SEC22A: variants seen among roughly 807,000 people sequenced by gnomAD.
SEC22A encodes the protein vesicle-trafficking protein SEC22a.
A neutral mutation model predicts 35.3 loss-of-function variants in SEC22A; 22 were observed. That is an observed-to-expected ratio of 0.62 (90% CI 0.45 to 0.89). SEC22A has a LOEUF of 0.89. Among genes scored for constraint, SEC22A ranks in the 40% least tolerant of loss-of-function variants. SEC22A has a pLI of 0.00. For missense variants in SEC22A, 354 were observed against 362.5 expected, an observed-to-expected ratio of 0.98 and a Z score of 0.19; for synonymous variants, 119 against 129.5, an observed-to-expected ratio of 0.92 and a Z score of 0.55.
At chr3:123,207,022 A>G (rs932009507) in intron 1 of SEC22A, among the ~76,000 whole-genome samples, 2 of 152,288 alleles carry the variant, frequency 1.3e-5, no homozygotes, top group Middle Eastern at 3.4e-3. Context: ...TGGGAGGTGG[A>G]GGTTGCAGTG....
At chr3:123,259,392 T>G (rs1937823410) in intron 5 of SEC22A, 132 bp from the exon 6 acceptor site, 1 of 644,894 alleles carries the variant, frequency 1.6e-6, no homozygotes, top group Non-Finnish European at 2.8e-6. Context: ...TTAGGACTCT[T>G]GAGAATTTCT....
At chr3:123,245,741 C>A (rs1413431250) in intron 4 of SEC22A, among the ~76,000 whole-genome samples, 158 bp from the exon 5 acceptor site, 3 of 151,890 alleles carry the variant, frequency 2.0e-5, no homozygotes, top group African/African-American at 4.8e-5. Context: ...AAGCATTTTT[C>A]ATTTTATAAC....
chr3:123,271,863 C>G lies in SEC22A; in HGVS notation c.*141C>G, dbSNP rs1938175259. Reference sequence around the variant, plus strand: ...TCCAACTTTCCTTTTTTAAAATCAGCATGATGTGCCTGTGAGCATGGAAGA... The same window carrying G: ...TCCAACTTTCCTTTTTTAAAATCAGGATGATGTGCCTGTGAGCATGGAAGA... On this transcript the variant is annotated 3_prime_UTR_variant, in exon 7 of 7. Transcript: ENST00000492595. 4.5e-6 allele frequency: 3 copies of G among 668,630 alleles called. No homozygotes were observed. Among genetic ancestry groups the G allele is most frequent in the Non-Finnish European group, 7.6e-6 (3 of 397,218 alleles). The allele number at this position is 668,630 out of a possible 1,614,324, so 41.4% of individuals were successfully genotyped here.
intron 4 of SEC22A, among the ~76,000 whole-genome samples, chr3:123,225,823 A>G (rs190240164): frequency 3.5e-4 from 54 of 152,182 alleles, no homozygotes; most frequent in African/African-American, 1.2e-3. Context: ...GTACCCATTA[A>G]CCATCACCCT....
intron 1 of SEC22A, among the ~76,000 whole-genome samples, chr3:123,203,447 G>A (rs573503249): frequency 1.8e-4 from 28 of 152,154 alleles, no homozygotes; most frequent in African/African-American, 6.7e-4. Context: ...AATGTTTCAG[G>A]CACTTTACAT....
chr3:123,209,507 C>A, intron 2 of SEC22A, 108 bp downstream of exon 2: 1 of 827,560 alleles, frequency 1.2e-6, no homozygotes, highest in Non-Finnish European at 1.9e-6. Flanking sequence ...CTGTTCAAGT[C>A]GAGCATCATA....
At chr3:123,251,884 A>G (rs1937617965) in intron 5 of SEC22A, among the ~76,000 whole-genome samples, 1 of 152,212 alleles carries the variant, frequency 6.6e-6, no homozygotes, top group Admixed American at 6.5e-5. Context: ...AAGGAGCACT[A>G]TATAGTGTTA....
intron 5 of SEC22A, 57 bp from the exon 6 acceptor site, chr3:123,259,463 ATTGT>A (rs1937827445): frequency 5.2e-6 from 6 of 1,163,042 alleles, no homozygotes; most frequent in Non-Finnish European, 6.4e-6. Context: ...ATCTTGATGG[ATTGT>A]TTCTGGAAAT....
At chr3:123,210,815 C>CCTGAAGAATTAATAA (rs1399786386) in intron 2 of SEC22A, among the ~76,000 whole-genome samples, 2 of 152,054 alleles carry the variant, frequency 1.3e-5, no homozygotes, top group Non-Finnish European at 2.9e-5. Flanking sequence ...TGAGCCATGT[C>CCTGAAGAATTAATAA]CTGAAGAATT....
intron 4 of SEC22A, among the ~76,000 whole-genome samples, chr3:123,231,597 A>G (rs933937117): frequency 6.6e-6 from 1 of 152,232 alleles, no homozygotes; most frequent in Admixed American, 6.5e-5. Context: ...GACTAAATCA[A>G]AAGGGAAATG....
intron 5 of SEC22A, among the ~76,000 whole-genome samples, chr3:123,247,643 A>G (rs905210907): frequency 5.9e-5 from 9 of 152,348 alleles, no homozygotes; most frequent in African/African-American, 2.2e-4. Context: ...CCCTCTGATC[A>G]GTAATGTCTC....
chr3:123,206,828 C>G (rs1652029207), intron 1 of SEC22A, among the ~76,000 whole-genome samples: 1 of 152,198 alleles, frequency 6.6e-6, no homozygotes, highest in Admixed American at 6.5e-5. Context: ...TAGCTCATGC[C>G]TGTAATCCTA....
chr3:123,209,543 CATCAT>C (rs1366259989), intron 2 of SEC22A, 144 bp downstream of exon 2: 2 of 644,642 alleles, frequency 3.1e-6, no homozygotes, highest in Non-Finnish European at 5.2e-6. Flanking sequence ...ACTAAATAGT[CATCAT>C]GTCAGCAGCA....
intron 4 of SEC22A, among the ~76,000 whole-genome samples, chr3:123,243,471 A>G (rs1180987066): frequency 6.6e-6 from 1 of 151,940 alleles, no homozygotes; most frequent in African/African-American, 2.4e-5. Context: ...CGTGGAATGC[A>G]TTTCTTCCCC....
chr3:123,255,994 T>C (rs1937722783), intron 5 of SEC22A, among the ~76,000 whole-genome samples: 1 of 152,062 alleles, frequency 6.6e-6, no homozygotes, highest in South Asian at 2.1e-4. Flanking sequence ...CAAAATTGAA[T>C]TCAATATGTA....
intron 5 of SEC22A, among the ~76,000 whole-genome samples, chr3:123,247,375 T>C (rs1332654960): frequency 6.6e-6 from 1 of 152,186 alleles, no homozygotes; most frequent in Non-Finnish European, 1.5e-5. Flanking sequence ...ATACAAGTTA[T>C]GGAACCTGGG....
At chr3:123,244,119 T>TA (rs11457450) in intron 4 of SEC22A, among the ~76,000 whole-genome samples, 4,868 of 152,006 alleles carry the variant, frequency 0.032, 218 homozygotes, top group African/African-American at 0.1. Context: ...TTTACTGAAG[T>TA]AAAAAAAATA....
At chr3:123,271,188 C>A (rs891357023) in intron 6 of SEC22A, among the ~76,000 whole-genome samples, 4 of 152,132 alleles carry the variant, frequency 2.6e-5, no homozygotes, top group African/African-American at 9.7e-5. Flanking sequence ...CACCCGCAGA[C>A]CCTGGGAATG....
intron 2 of SEC22A, among the ~76,000 whole-genome samples, chr3:123,221,528 G>T (rs1397604386): frequency 6.6e-6 from 1 of 150,876 alleles, no homozygotes; most frequent in African/African-American, 2.4e-5. Context: ...TCCAGCATAG[G>T]AGTGGTGAAT....
Sources: gnomAD v4.1 joint callset for allele counts (sites outside exome capture counted in the v4.1 genomes callset) on GRCh38, gnomAD v4.1.1 for gene constraint, MANE v1.5 for transcripts, NCBI Gene and HGNC (gene_info 2026-07-23, HGNC 2026-07-21) for gene names.